Variants in SCN8A observed in about 807,000 individuals in gnomAD.
The protein encoded by SCN8A is sodium voltage-gated channel alpha subunit 8.
A neutral mutation model predicts 184.1 loss-of-function variants in SCN8A; 30 were observed. The ratio of observed to expected loss-of-function variants is 0.16; its 90% CI spans 0.12 to 0.22. The LOEUF is 0.22. Ranked by LOEUF, SCN8A falls within the 10% of genes least tolerant of loss-of-function variation. The pLI is 1.00. For synonymous variants in SCN8A, 852 were observed against 907.0 expected, an observed-to-expected ratio of 0.94 and a Z score of 1.09; for missense variants, 1,057 against 2,498.9, an observed-to-expected ratio of 0.42 and a Z score of 12.30.
chr12:51,740,089 T>G (rs1942394873), intron 12 of SCN8A, among the ~76,000 whole-genome samples: 1 of 152,262 alleles, frequency 6.6e-6, no homozygotes, highest in Non-Finnish European at 1.5e-5. Context: ...GGCTTAAGAA[T>G]GCCTTTAAGT....
Position 51,739,349 on chromosome 12 carries a change from G to A in SCN8A, c.1999-6554G>A, listed in dbSNP as rs577183784. On this transcript the variant is annotated intron_variant, in intron 12 of 26. Transcript: ENST00000627620. Reference sequence around the variant, plus strand: ...AGAGCCGTCACTCGAGGTGCCGCTCGAAGAGTCACTGGGGCAACTACTTTT... The same window carrying A: ...AGAGCCGTCACTCGAGGTGCCGCTCAAAGAGTCACTGGGGCAACTACTTTT... Among the ~76,000 whole-genome samples the A allele has an allele frequency of 9.9e-5, 15 of 152,182 alleles. No homozygotes were observed. In the East Asian group the frequency reaches 2.5e-3, roughly 26 times the overall value.
chr12:51,607,293 T>C (rs1939616538), intron 1 of SCN8A, among the ~76,000 whole-genome samples: 1 of 152,230 alleles, frequency 6.6e-6, no homozygotes, highest in Non-Finnish European at 1.5e-5. Context: ...GGAAACTTTG[T>C]TGAATTCTTT....
At chr12:51,786,509 C>T (rs1397243749) in intron 21 of SCN8A, 33 bp from the exon 22 acceptor site, 8 of 1,613,328 alleles carry the variant, frequency 5.0e-6, no homozygotes, top group Non-Finnish European at 6.8e-6. Flanking sequence ...CTCATTTCCA[C>T]CCAACACTGA....
At chr12:51,693,635 C>T (rs1244881625) in intron 6 of SCN8A, among the ~76,000 whole-genome samples, 1 of 152,044 alleles carries the variant, frequency 6.6e-6, no homozygotes, top group Non-Finnish European at 1.5e-5. Context: ...CAGCATAGTG[C>T]GATCTTGTCT....
chr12:51,783,955 T>C (rs999521979), intron 21 of SCN8A, among the ~76,000 whole-genome samples: 4 of 152,238 alleles, frequency 2.6e-5, no homozygotes, highest in Admixed American at 2.0e-4. Context: ...CTTTGAGTGA[T>C]ATTTCCATGT....
At chr12:51,708,073 A>AT (rs1312711753) in intron 11 of SCN8A, among the ~76,000 whole-genome samples, 2 of 152,176 alleles carry the variant, frequency 1.3e-5, no homozygotes, top group Non-Finnish European at 2.9e-5. Flanking sequence ...AGTAAAGTAT[A>AT]TGTCACACCA....
chr12:51,696,095 A>G (rs927188181), intron 6 of SCN8A, among the ~76,000 whole-genome samples: 1 of 152,238 alleles, frequency 6.6e-6, no homozygotes, highest in African/African-American at 2.4e-5. Context: ...TCTTGTTACT[A>G]ATACAAAAGA....
At chr12:51,655,617 TC>T (rs1940807994) in intron 1 of SCN8A, among the ~76,000 whole-genome samples, 1 of 152,134 alleles carries the variant, frequency 6.6e-6, no homozygotes, top group Non-Finnish European at 1.5e-5. Context: ...CAAGCGATCT[TC>T]CCATCTAAGC....
At chr12:51,613,575 ATT>A (rs1939769781) in intron 1 of SCN8A, among the ~76,000 whole-genome samples, 1 of 150,916 alleles carries the variant, frequency 6.6e-6, no homozygotes, top group African/African-American at 2.4e-5. Flanking sequence ...ATTTTCCTCT[ATT>A]TTTCTGTTTT....
chr12:51,769,757 C>A, intron 17 of SCN8A, 111 bp from the exon 18 acceptor site: 1 of 739,938 alleles, frequency 1.4e-6, no homozygotes, highest in Non-Finnish European at 2.4e-6. Context: ...AGTAAGAATT[C>A]TAGAGAGGAG....
intron 1 of SCN8A, among the ~76,000 whole-genome samples, chr12:51,637,276 A>G (rs1447046653): frequency 2.0e-5 from 3 of 152,180 alleles, no homozygotes; most frequent in Admixed American, 2.0e-4. Flanking sequence ...GCCAACTAAT[A>G]GCCTTACATG....
rs569909581 is a variant in SCN8A, at chr12:51,770,880, TCCTCTTAGCACTGTC to T, written c.3645+203_3645+217del. Among the ~76,000 whole-genome samples, 118 of 152,352 alleles carry T rather than the reference TCCTCTTAGCACTGTC, an allele frequency of 7.7e-4. No individual in the cohort carries two copies. In the South Asian group the frequency reaches 1.0e-2, roughly 13 times the overall value. On this transcript the variant is annotated intron_variant, in intron 19 of 26. Coordinates refer to ENST00000627620, the MANE Select transcript of SCN8A (RefSeq NM_001330260.2). The stretch of plus-strand genomic sequence containing the variant: ...GAATCCATACTTGTTCACATTGTGA[TCCTCTTAGCACTGTC>T]CCTCTCATGTGTCCCCACTGCCTGG...
chr12:51,781,656 G>GCACGCGCACA (rs1302403972), intron 21 of SCN8A, among the ~76,000 whole-genome samples: 2 of 151,050 alleles, frequency 1.3e-5, no homozygotes, highest in Non-Finnish European at 2.9e-5. Flanking sequence ...GCACGCGCAC[G>GCACGCGCACA]CACGCGCACA....
chr12:51,774,369 G>T lies in SCN8A; in HGVS notation c.3819+7G>T. On this transcript the variant is annotated splice_region_variant and intron_variant, in intron 20 of 26. Transcript: ENST00000627620. ...GGACTTCCTCATTGTGGCTGTAGGT[G>T]TCTTGCTTTCTGTTTCCCACCCCTT... The T allele has an allele frequency of 1.3e-6, 2 of 1,596,454 alleles. No homozygotes were observed. The highest frequency in any genetic ancestry group is 1.7e-4 in the Middle Eastern group (1 of 5,918).
intron 13 of SCN8A, among the ~76,000 whole-genome samples, chr12:51,749,345 T>A (rs1366790795): frequency 6.6e-6 from 1 of 152,182 alleles, no homozygotes; most frequent in African/African-American, 2.4e-5. Context: ...CAAGACCTAG[T>A]TCATTTTAAA....
chr12:51,629,813 A>G (rs150425434), intron 1 of SCN8A, among the ~76,000 whole-genome samples: 1,818 of 152,134 alleles, frequency 0.012, 38 homozygotes, highest in African/African-American at 0.041. Context: ...TTGAGTGGTG[A>G]CACCTGGGAT....
intron 20 of SCN8A, among the ~76,000 whole-genome samples, chr12:51,775,557 G>A (rs1937664979): frequency 2.6e-5 from 4 of 152,192 alleles, no homozygotes; most frequent in African/African-American, 4.8e-5. Flanking sequence ...GACCCTCGCA[G>A]CGAGAGATGT....
intron 1 of SCN8A, among the ~76,000 whole-genome samples, chr12:51,650,948 T>C (rs1409275326): frequency 6.6e-6 from 1 of 152,328 alleles, no homozygotes; most frequent in East Asian, 1.9e-4. Context: ...CTATAGATAT[T>C]AAATTAACTA....
At chr12:51,698,095 C>T (rs1029960298) in intron 6 of SCN8A, among the ~76,000 whole-genome samples, 1 of 152,178 alleles carries the variant, frequency 6.6e-6, no homozygotes, top group African/African-American at 2.4e-5. Context: ...CTCAGGTGAT[C>T]CACCTTTCTT....
Sources: allele counts gnomAD v4.1 joint callset (sites outside exome capture counted in the v4.1 genomes callset), GRCh38; gene constraint gnomAD v4.1.1; transcripts MANE v1.5; gene names NCBI Gene and HGNC (gene_info 2026-07-23, HGNC 2026-07-21).